The following THSD4 variants were observed in gnomAD, a reference collection of about 807,000 sequenced individuals.
The protein encoded by THSD4 is thrombospondin type-1 domain-containing protein 4.
THSD4 carries 69 observed loss-of-function variants against 119.0 expected under a neutral mutation model. That is an observed-to-expected ratio of 0.58 (90% CI 0.48 to 0.71). The LOEUF (loss-of-function observed/expected upper bound fraction) is 0.71. THSD4 is among the 30% of genes least tolerant of loss of function. THSD4 has a pLI of 0.00. For missense variants in THSD4, 1,393 were observed against 1,391.1 expected (o/e 1.00, Z -0.02); for synonymous variants, 524 against 540.4 (o/e 0.97, Z 0.42).
intron 6 of THSD4, among the ~76,000 whole-genome samples, chr15:71,276,516 G>T (rs1385010027): frequency 6.6e-6 from 1 of 152,198 alleles, no homozygotes; most frequent in Non-Finnish European, 1.5e-5. Context: ...GGATTGATTA[G>T]TGATGCCTTG....
intron 5 of THSD4, among the ~76,000 whole-genome samples, chr15:71,244,998 G>T (rs2044187710): frequency 6.6e-6 from 1 of 152,176 alleles, no homozygotes; most frequent in African/African-American, 2.4e-5. Context: ...TGCCAGACCT[G>T]TGCTGCCAAC....
At chr15:71,720,170 C>T (rs1449411910) in intron 8 of THSD4, among the ~76,000 whole-genome samples, 1 of 151,724 alleles carries the variant, frequency 6.6e-6, no homozygotes. Context: ...CTCGCCTCAG[C>T]CTCTTAAGTA....
At chr15:71,614,925 A>C (rs2050294881) in intron 7 of THSD4, among the ~76,000 whole-genome samples, 2 of 152,116 alleles carry the variant, frequency 1.3e-5, no homozygotes, top group South Asian at 4.1e-4. Flanking sequence ...ACTCCTGGCT[A>C]GGACCTCTGC....
At chr15:71,559,424 C>CT (rs921994506) in intron 7 of THSD4, among the ~76,000 whole-genome samples, 3 of 152,124 alleles carry the variant, frequency 2.0e-5, no homozygotes, top group Non-Finnish European at 2.9e-5. Flanking sequence ...CATATCCTTT[C>CT]TTGTTTTATA....
At chr15:71,144,996 T>C (rs1000138209) in intron 2 of THSD4, among the ~76,000 whole-genome samples, 3 of 151,862 alleles carry the variant, frequency 2.0e-5, no homozygotes, top group Admixed American at 6.6e-5. Context: ...AAAGACTTGC[T>C]CCAAATTATG....
chr15:71,432,228 C>G (rs1262852234), intron 7 of THSD4, among the ~76,000 whole-genome samples: 1 of 152,204 alleles, frequency 6.6e-6, no homozygotes, highest in African/African-American at 2.4e-5. Flanking sequence ...ATACGTCTCT[C>G]TGGACCTTCC....
chr15:71,480,158 T>C, intron 7 of THSD4, among the ~76,000 whole-genome samples: 1 of 152,170 alleles, frequency 6.6e-6, no homozygotes. Context: ...CACCCAAGCC[T>C]CCCAAGTAGC....
chr15:71,586,558 C>T (rs2049674524), intron 7 of THSD4, among the ~76,000 whole-genome samples: 1 of 152,124 alleles, frequency 6.6e-6, no homozygotes, highest in African/African-American at 2.4e-5. Context: ...TCACATAGCT[C>T]CCTTTGTCTT....
intron 6 of THSD4, 72 bp from the exon 7 acceptor site, chr15:71,411,615 G>T (rs1198995694): frequency 1.4e-6 from 2 of 1,469,436 alleles, no homozygotes; most frequent in African/African-American, 1.4e-5. Context: ...AAGAAAAAAG[G>T]TGCTGATTCC....
At chr15:71,620,220 A>G (rs761581766) in intron 7 of THSD4, among the ~76,000 whole-genome samples, 10 of 152,176 alleles carry the variant, frequency 6.6e-5, no homozygotes, top group Non-Finnish European at 1.5e-4. Flanking sequence ...CATCCAAAAA[A>G]TTGAGTTGTT....
At chr15:71,701,759 C>T (rs948505547) in intron 8 of THSD4, among the ~76,000 whole-genome samples, 10 of 152,076 alleles carry the variant, frequency 6.6e-5, no homozygotes, top group African/African-American at 2.4e-4. Flanking sequence ...CGCACATGCA[C>T]AGAAAGATCT....
chr15:71,463,358 G>A (rs1355606415), intron 7 of THSD4, among the ~76,000 whole-genome samples: 2 of 152,142 alleles, frequency 1.3e-5, no homozygotes, highest in Non-Finnish European at 2.9e-5. Context: ...GGCAGACCCA[G>A]GTCACCTCCC....
intron 6 of THSD4, among the ~76,000 whole-genome samples, chr15:71,343,071 A>G (rs1027341629): frequency 3.9e-5 from 6 of 151,986 alleles, no homozygotes; most frequent in Non-Finnish European, 8.8e-5. Context: ...TCTTCTCTGG[A>G]CAAACAAAGT....
chr15:71,660,036 G>A (rs2051271248), intron 7 of THSD4, among the ~76,000 whole-genome samples: 1 of 152,164 alleles, frequency 6.6e-6, no homozygotes, highest in South Asian at 2.1e-4. Flanking sequence ...ACCAGTTAGA[G>A]GTTCAGCTCC....
intron 6 of THSD4, among the ~76,000 whole-genome samples, chr15:71,328,580 C>T (rs2045377823): frequency 6.6e-6 from 1 of 152,194 alleles, no homozygotes; most frequent in African/African-American, 2.4e-5. Flanking sequence ...GCCCCCCTCT[C>T]CAGGAGCCAG....
intron 6 of THSD4, among the ~76,000 whole-genome samples, chr15:71,372,695 G>A (rs953705757): frequency 2.8e-4 from 43 of 152,364 alleles, no homozygotes; most frequent in African/African-American, 9.6e-4. Context: ...CTACCGGGGG[G>A]TGCCTCCCAG....
At chr15:71,107,046 G>C (rs550968688) in intron 1 of THSD4, among the ~76,000 whole-genome samples, 25 of 152,238 alleles carry the variant, frequency 1.6e-4, no homozygotes, top group African/African-American at 4.8e-4. Context: ...CATGACAGTT[G>C]AAAAACTCAG....
intron 7 of THSD4, among the ~76,000 whole-genome samples, chr15:71,422,384 C>T (rs1358570287): frequency 6.6e-6 from 1 of 152,128 alleles, no homozygotes; most frequent in East Asian, 1.9e-4. Flanking sequence ...TCACTGCAGA[C>T]GTATTTGCAT....
intron 8 of THSD4, among the ~76,000 whole-genome samples, chr15:71,714,827 C>T (rs2052576780): frequency 3.3e-5 from 5 of 152,164 alleles, no homozygotes; most frequent in Admixed American, 6.5e-5. Context: ...AAAACCGCTG[C>T]AACACACAAT....
Sources: gnomAD v4.1 joint callset for allele counts (sites outside exome capture counted in the v4.1 genomes callset) on GRCh38, gnomAD v4.1.1 for gene constraint, MANE v1.5 for transcripts, NCBI Gene and HGNC (gene_info 2026-07-23, HGNC 2026-07-21) for gene names.